The following ARHGEF3 variants were observed in gnomAD, a reference collection of about 807,000 sequenced individuals.
ARHGEF3 encodes the protein Rho guanine nucleotide exchange factor 3, also known as 59.8 kDA protein.
ARHGEF3 carries 28 observed loss-of-function variants against 63.2 expected under a neutral mutation model. The ratio of observed to expected loss-of-function variants is 0.44; its 90% CI spans 0.33 to 0.61. The LOEUF (loss-of-function observed/expected upper bound fraction) is 0.61. ARHGEF3 is among the 20% of genes least tolerant of loss of function. The probability of loss-of-function intolerance (pLI) is 0.03; values close to 1 mark genes in which losing one functional copy is unlikely to be tolerated. For missense variants in ARHGEF3, 533 were observed against 659.3 expected (o/e 0.81, Z 2.10); for synonymous variants, 266 against 254.2 (o/e 1.05, Z -0.44).
At chr3:57,077,955 G>C (rs935208455) in intron 1 of ARHGEF3, among the ~76,000 whole-genome samples, 1 of 152,160 alleles carries the variant, frequency 6.6e-6, no homozygotes, top group Non-Finnish European at 1.5e-5. Context: ...CTCCTTACCA[G>C]AATAAGGGGA....
At chr3:56,973,079 C>T (rs1377782729) in intron 2 of ARHGEF3, among the ~76,000 whole-genome samples, 25 of 150,534 alleles carry the variant, frequency 1.7e-4, no homozygotes, top group Admixed American at 6.6e-4. Context: ...TGCAGTGGTG[C>T]GATTTTGGCT....
chr3:57,022,096 C>A (rs1703282856), intron 2 of ARHGEF3, among the ~76,000 whole-genome samples: 1 of 152,064 alleles, frequency 6.6e-6, no homozygotes, highest in African/African-American at 2.4e-5. Context: ...CCCAATGAGA[C>A]CTTGTTTCTA....
intron 2 of ARHGEF3, among the ~76,000 whole-genome samples, chr3:57,020,606 T>C (rs552167936): frequency 6.6e-6 from 1 of 152,320 alleles, no homozygotes; most frequent in East Asian, 1.9e-4. Flanking sequence ...TTTCACTCCA[T>C]AGCTGGAGTC....
intron 2 of ARHGEF3, among the ~76,000 whole-genome samples, chr3:56,971,535 C>A (rs920405941): frequency 3.3e-5 from 5 of 152,032 alleles, no homozygotes; most frequent in African/African-American, 4.8e-5. Flanking sequence ...CCAACATGAC[C>A]CTTTCCCAGG....
intron 2 of ARHGEF3, among the ~76,000 whole-genome samples, chr3:56,966,075 AACAC>A (rs564773440): frequency 6.6e-6 from 1 of 152,234 alleles, no homozygotes; most frequent in African/African-American, 2.4e-5. Context: ...ATTATTTAGA[AACAC>A]ACAAAATACT....
chr3:56,741,532 G>A lies in ARHGEF3; in HGVS notation c.870+3673C>T, dbSNP rs368005998. Among the ~76,000 whole-genome samples, 336 of 103,960 alleles carry A rather than the reference G, an allele frequency of 3.2e-3. 4 individuals carry two copies. Among genetic ancestry groups the A allele is most frequent in the African/African-American group, 0.013 (326 of 26,038 alleles). 68.2% of individuals were successfully genotyped at this position (103,960 alleles called of 152,430 possible). On this transcript the variant is annotated intron_variant, in intron 7 of 9. Transcript: ENST00000296315. The stretch of plus-strand genomic sequence containing the variant: ...TTTTTTTTTTTTTTTTTGAGATGGA[G>A]TCTTGCCCTGTCGCCCAGGCTGGAG...
chr3:56,932,353 G>A (rs568749534), intron 3 of ARHGEF3, among the ~76,000 whole-genome samples: 4 of 152,166 alleles, frequency 2.6e-5, no homozygotes, highest in East Asian at 1.9e-4. Flanking sequence ...ATATTTCAGC[G>A]TATTTTCTTT....
intron 4 of ARHGEF3, among the ~76,000 whole-genome samples, chr3:56,808,388 C>T (rs1385202288): frequency 1.3e-5 from 2 of 152,066 alleles, no homozygotes; most frequent in African/African-American, 2.4e-5. Context: ...TCGAGACCAG[C>T]CTGAACAACA....
chr3:56,966,609 T>C (rs1419352370), intron 2 of ARHGEF3, among the ~76,000 whole-genome samples: 1 of 152,136 alleles, frequency 6.6e-6, no homozygotes. Flanking sequence ...GGGGTTCCAC[T>C]GAAGCATGGA....
At chr3:56,819,824 C>CT (rs796725257) in intron 4 of ARHGEF3, among the ~76,000 whole-genome samples, 142 of 143,846 alleles carry the variant, frequency 9.9e-4, no homozygotes, top group Admixed American at 9.1e-4. Flanking sequence ...TCTGGTGCAA[C>CT]TTTTTTTTTT....
At chr3:56,927,723 C>T (rs1474499046) in intron 3 of ARHGEF3, among the ~76,000 whole-genome samples, 4 of 152,050 alleles carry the variant, frequency 2.6e-5, no homozygotes, top group Non-Finnish European at 5.9e-5. Context: ...CCAGGTGGTA[C>T]CGCATATGAG....
chr3:56,851,448 G>T (rs992252986), intron 4 of ARHGEF3, among the ~76,000 whole-genome samples: 17 of 152,164 alleles, frequency 1.1e-4, no homozygotes, highest in Admixed American at 8.5e-4. Context: ...GTAAAGAAAA[G>T]AAATTTATTT....
intron 3 of ARHGEF3, among the ~76,000 whole-genome samples, chr3:56,923,206 G>C (rs1002972816): frequency 1.3e-5 from 2 of 151,266 alleles, no homozygotes; most frequent in Non-Finnish European, 2.9e-5. Context: ...CTGGGCAACA[G>C]AGCAAGACTC....
chr3:56,840,710 T>G (rs1349882316), intron 4 of ARHGEF3, among the ~76,000 whole-genome samples: 3 of 152,168 alleles, frequency 2.0e-5, no homozygotes, highest in African/African-American at 7.2e-5. Flanking sequence ...ATCTTATTCC[T>G]GAATGGCTGA....
intron 2 of ARHGEF3, among the ~76,000 whole-genome samples, chr3:56,993,125 G>C (rs181990047): frequency 6.6e-6 from 1 of 152,146 alleles, no homozygotes; most frequent in Non-Finnish European, 1.5e-5. Context: ...GTGAGCTACC[G>C]CGCCTGGCCT....
intron 1 of ARHGEF3, among the ~76,000 whole-genome samples, chr3:56,798,022 A>G (rs926182336): frequency 6.6e-6 from 1 of 152,180 alleles, no homozygotes; most frequent in Admixed American, 6.5e-5. Context: ...CCTTATTCAT[A>G]AAGTGGAGAG....
chr3:56,930,225 C>T (rs1472043004), intron 3 of ARHGEF3, among the ~76,000 whole-genome samples: 3 of 152,044 alleles, frequency 2.0e-5, no homozygotes, highest in African/African-American at 2.4e-5. Flanking sequence ...AATGAGATGC[C>T]GATAGCATCT....
At chr3:57,004,318 C>T (rs1439367744) in intron 2 of ARHGEF3, among the ~76,000 whole-genome samples, 3 of 152,210 alleles carry the variant, frequency 2.0e-5, no homozygotes, top group Non-Finnish European at 2.9e-5. Context: ...GCCCTGATAA[C>T]GTGTCCACAT....
At chr3:56,828,676 C>T (rs907067535) in intron 4 of ARHGEF3, among the ~76,000 whole-genome samples, 1 of 152,164 alleles carries the variant, frequency 6.6e-6, no homozygotes, top group Non-Finnish European at 1.5e-5. Flanking sequence ...TGCCATAGTT[C>T]TAAAAGTCCC....
Sources: allele counts gnomAD v4.1 joint callset (sites outside exome capture counted in the v4.1 genomes callset), GRCh38; gene constraint gnomAD v4.1.1; transcripts MANE v1.5; gene names NCBI Gene and HGNC (gene_info 2026-07-23, HGNC 2026-07-21).